The following MED20 variants were observed in gnomAD, a reference collection of about 807,000 sequenced individuals.
The protein encoded by MED20 is mediator complex subunit 20.
A neutral mutation model predicts 19.7 loss-of-function variants in MED20; 19 were observed. That is an observed-to-expected ratio of 0.96 (90% CI 0.67 to 1.42). The LOEUF (loss-of-function observed/expected upper bound fraction) is 1.42. Ranked by LOEUF, MED20 falls within the 40% of genes most tolerant of loss-of-function variation. MED20 has a pLI of 0.00. For missense variants in MED20, 225 were observed against 273.0 expected, an observed-to-expected ratio of 0.82 and a Z score of 1.24; for synonymous variants, 105 against 104.8, an observed-to-expected ratio of 1.00 and a Z score of -0.01.
At position 41,910,200 on chromosome 6, in the gene MED20, C is replaced by G. The variant is rs142601304; in HGVS notation, c.170-678G>C. Among the ~76,000 whole-genome samples the G allele has an allele frequency of 1.7e-3, 254 of 152,324 alleles. 1 individual carries two copies. The highest frequency in any genetic ancestry group is 5.8e-3 in the African/African-American group (241 of 41,582). On this transcript the variant is annotated intron_variant, in intron 2 of 3. Coordinates refer to ENST00000265350, the MANE Select transcript of MED20 (RefSeq NM_004275.5). ...GCAGCACACTACAGCAGAGAGACCT[C>G]AGGATCTGGATCAGAAGATCAACTT...
intron 2 of MED20, among the ~76,000 whole-genome samples, chr6:41,916,310 T>A (rs1274201709): frequency 6.6e-6 from 1 of 151,438 alleles, no homozygotes; most frequent in East Asian, 1.9e-4. Context: ...CCGGGCACAG[T>A]GGCTCACGCC....
chr6:41,908,061 C>T (rs781340358), intron 3 of MED20, among the ~76,000 whole-genome samples: 1 of 152,142 alleles, frequency 6.6e-6, no homozygotes, highest in Non-Finnish European at 1.5e-5. Flanking sequence ...CCCTTTTCTC[C>T]AACTGGGATT....
chr6:41,909,040 A>T, intron 3 of MED20: 1 of 531,298 alleles, frequency 1.9e-6, no homozygotes, highest in Non-Finnish European at 3.2e-6. Flanking sequence ...AAAAAATTTA[A>T]TTCGGTGGGT....
chr6:41,917,028 C>T, intron 1 of MED20, 89 bp from the exon 2 acceptor site: 1 of 1,408,418 alleles, frequency 7.1e-7, no homozygotes, highest in Admixed American at 1.8e-5. Flanking sequence ...CACAGCTCAT[C>T]AGGGCCAAAA....
chr6:41,908,002 G>T (rs955572316), intron 3 of MED20, among the ~76,000 whole-genome samples: 4 of 152,180 alleles, frequency 2.6e-5, no homozygotes, highest in Admixed American at 1.3e-4. Context: ...AGCCGAAAGG[G>T]TTAGAAGTCT....
At chr6:41,917,647 A>T in intron 1 of MED20, 1 of 413,268 alleles carries the variant, frequency 2.4e-6, no homozygotes, top group Non-Finnish European at 5.1e-6. Context: ...GGCGTTCTCA[A>T]GTGTGGCATG....
chr6:41,906,078 A>C lies in MED20; in HGVS notation c.*994T>G, dbSNP rs1308768434. On this transcript the variant is annotated 3_prime_UTR_variant, in exon 4 of 4. Transcript: ENST00000265350. The stretch of plus-strand genomic sequence containing the variant: ...AGCCATTAACTGCATCTCAGCAACC[A>C]AATTGTCTTTCATCTTGTAGTCACA... 1 of 152,268 alleles carries C rather than the reference A, an allele frequency of 6.6e-6. No individual in the cohort carries two copies. Among genetic ancestry groups the C allele is most frequent in the Non-Finnish European group, 1.5e-5 (1 of 68,058 alleles). 9.4% of individuals were successfully genotyped at this position (152,268 alleles called of 1,614,324 possible).
chr6:41,916,959 A>C lies in MED20; in HGVS notation c.15-20T>G. 6.2e-7 allele frequency: 1 copy of C among 1,613,042 alleles called. No homozygotes were observed. The highest frequency in any genetic ancestry group is 8.5e-7 in the Non-Finnish European group (1 of 1,179,620). ...GACACACTGGAAAGGAGAGCACCAA[A>C]TCGTCAGTTATCCAGAGACACACGT... On this transcript the variant is annotated intron_variant, in intron 1 of 3. Transcript: ENST00000265350.
intron 3 of MED20, among the ~76,000 whole-genome samples, chr6:41,908,787 TAG>T (rs1561935109): frequency 6.6e-6 from 1 of 152,140 alleles, no homozygotes; most frequent in South Asian, 2.1e-4. Flanking sequence ...CCAGCTGTGT[TAG>T]AGAGTCTCTG....
intron 1 of MED20, among the ~76,000 whole-genome samples, chr6:41,918,990 A>G (rs1342826461): frequency 1.5e-5 from 2 of 130,956 alleles, no homozygotes; most frequent in Non-Finnish European, 3.3e-5. Flanking sequence ...TTAGCCAGGC[A>G]TGGTGGTGGG....
chr6:41,912,053 C>CT (rs530288020), intron 2 of MED20, among the ~76,000 whole-genome samples: 9,681 of 143,828 alleles, frequency 0.067, 571 homozygotes, highest in African/African-American at 0.14. Flanking sequence ...TCCTTTTCTT[C>CT]TTTTTTTTTT....
chr6:41,915,559 G>A (rs1286663553), intron 2 of MED20, among the ~76,000 whole-genome samples: 2 of 152,038 alleles, frequency 1.3e-5, no homozygotes, highest in Non-Finnish European at 2.9e-5. Context: ...AGGCCGAGGC[G>A]GGTGGATCAC....
At chr6:41,912,239 C>T (rs1384363861) in intron 2 of MED20, among the ~76,000 whole-genome samples, 3 of 136,034 alleles carry the variant, frequency 2.2e-5, no homozygotes, top group African/African-American at 5.6e-5. Flanking sequence ...TGAGGTCTTA[C>T]CATCTTGCCT....
intron 1 of MED20, 37 bp downstream of exon 1, chr6:41,920,968 T>A: frequency 5.6e-6 from 9 of 1,603,260 alleles, no homozygotes; most frequent in Non-Finnish European, 7.7e-6. Context: ...CTTTCACAAC[T>A]CCAAGCCCCG....
At chr6:41,920,873 C>T in intron 1 of MED20, 132 bp downstream of exon 1, 2 of 1,145,372 alleles carry the variant, frequency 1.7e-6, no homozygotes, top group Non-Finnish European at 2.4e-6. Context: ...GCAGCCCGGA[C>T]GGCATCCTCT....
At position 41,907,008 on chromosome 6, in the gene MED20, G is replaced by A; in HGVS notation, c.*64C>T. 2.0e-6 allele frequency: 3 copies of A among 1,499,122 alleles called. No homozygotes were observed. Among genetic ancestry groups the A allele is most frequent in the Non-Finnish European group, 2.8e-6 (3 of 1,085,648 alleles). The allele number at this position is 1,499,122 out of a possible 1,614,324, so 92.9% of individuals were successfully genotyped here. A position where few individuals can be genotyped will look rare whatever the true frequency, so the allele number is the denominator to read the frequency against. On this transcript the variant is annotated 3_prime_UTR_variant, in exon 4 of 4. Coordinates refer to ENST00000265350, the MANE Select transcript of MED20 (RefSeq NM_004275.5). ...GTTTCTGGGGTCCAGGGACCTGAAA[G>A]TCAGCACCTGCTCCTCCTGTGGAGT...
rs1453037738 is a variant in MED20, at chr6:41,915,665, T to C, written c.169+1120A>G. 5.9e-5 allele frequency among the ~76,000 whole-genome samples: 9 copies of C among 152,152 alleles called. No homozygotes were observed. In the East Asian group the frequency reaches 1.7e-3, roughly 29 times the overall value. On this transcript the variant is annotated intron_variant, in intron 2 of 3. Coordinates refer to ENST00000265350, the MANE Select transcript of MED20 (RefSeq NM_004275.5). Reference sequence around the variant, plus strand: ...AGCCCAGCGTAGTGGCAGGTGCCTGTAGTCCCAGCTACTTGGGAGGCTGAG... The same window carrying C: ...AGCCCAGCGTAGTGGCAGGTGCCTGCAGTCCCAGCTACTTGGGAGGCTGAG...
chr6:41,906,849 C>T lies in MED20; in HGVS notation c.*223G>A, dbSNP rs1775061986. On this transcript the variant is annotated 3_prime_UTR_variant, in exon 4 of 4. Coordinates refer to ENST00000265350, the MANE Select transcript of MED20 (RefSeq NM_004275.5). ...ACCATTCTTGAGGACAGGCCAAATC[C>T]AGTAAGGCACGGAGTAAAACAGCTG... 4 of 550,348 alleles carry T rather than the reference C, an allele frequency of 7.3e-6. No homozygotes were observed. The South Asian group carries it at 9.7e-5, about 13-fold the overall frequency. 34.1% of individuals were successfully genotyped at this position (550,348 alleles called of 1,614,324 possible).
intron 1 of MED20, among the ~76,000 whole-genome samples, chr6:41,919,701 A>C (rs1170383336): frequency 6.6e-6 from 1 of 152,184 alleles, no homozygotes; most frequent in Non-Finnish European, 1.5e-5. Context: ...AGACCAAAGC[A>C]GGAGGCTCGC....
Sources: allele counts gnomAD v4.1 joint callset (sites outside exome capture counted in the v4.1 genomes callset), GRCh38; gene constraint gnomAD v4.1.1; transcripts MANE v1.5; gene names NCBI Gene and HGNC (gene_info 2026-07-23, HGNC 2026-07-21).